Variants in PCDHGA3 observed in about 807,000 individuals in gnomAD.
The protein encoded by PCDHGA3 is protocadherin gamma subfamily A, 3, also known as protocadherin gamma-A3.
A neutral mutation model predicts 58.5 loss-of-function variants in PCDHGA3; 40 were observed. The observed-to-expected ratio is 0.68, with a 90% CI of 0.53 to 0.89. The LOEUF is 0.89. Among genes scored for constraint, PCDHGA3 ranks in the 40% least tolerant of loss-of-function variants. The probability of loss-of-function intolerance (pLI) is 0.00; values close to 1 mark genes in which losing one functional copy is unlikely to be tolerated. For synonymous variants in PCDHGA3, 530 were observed against 525.7 expected (o/e 1.01, Z -0.11); for missense variants, 1,223 against 1,195.9 (o/e 1.02, Z -0.33).
At chr5:141,366,039 A>G (rs781015607) in intron 1 of PCDHGA3, 15 of 1,614,136 alleles carry the variant, frequency 9.3e-6, no homozygotes, top group Non-Finnish European at 1.2e-5. Context: ...CTCCCCACAG[A>G]CGGTTCCACG....
At chr5:141,371,238 A>G in intron 1 of PCDHGA3, 1 of 1,614,058 alleles carries the variant, frequency 6.2e-7, no homozygotes, top group Non-Finnish European at 8.5e-7. Flanking sequence ...CTATGCCTTC[A>G]TCAATATTGG....
In PCDHGA3 at chr5:141,361,275, A is replaced by G. The variant is rs1366836369; in HGVS notation, c.2424+14818A>G. ...GAGACAGAGACTCTGGAGAAAATGGAGAAGTTTACTGCCAAGTGTTGGGAA... is the reference window on the plus strand; with the variant it reads ...GAGACAGAGACTCTGGAGAAAATGGGGAAGTTTACTGCCAAGTGTTGGGAA... On this transcript the variant is annotated intron_variant, in intron 1 of 3. Coordinates refer to ENST00000253812, the MANE Select transcript of PCDHGA3 (RefSeq NM_018916.4). 3 of 1,613,976 alleles carry G rather than the reference A, an allele frequency of 1.9e-6. No individual in the cohort carries two copies. In the East Asian group the frequency reaches 6.7e-5, roughly 36 times the overall value.
intron 1 of PCDHGA3, among the ~76,000 whole-genome samples, chr5:141,460,256 C>T (rs1315761341): frequency 6.6e-6 from 1 of 151,704 alleles, no homozygotes; most frequent in Admixed American, 6.6e-5. Context: ...TTGATAAAGC[C>T]CAATTTATTT....
At position 141,491,692 on chromosome 5, in the gene PCDHGA3, C is replaced by T. The variant is rs749349869; in HGVS notation, c.2425-3115C>T. On this transcript the variant is annotated intron_variant, in intron 1 of 3. Coordinates refer to ENST00000253812, the MANE Select transcript of PCDHGA3 (RefSeq NM_018916.4). This position sits in a 1 kb window ranked among gnomAD's most constrained non-coding sequence, Gnocchi z 6.9. ...GTCCCGCTCTAATACGCTGCGGGAG[C>T]GGAGCCAGGTGAGGGGCTCGGCGCC... is the stretch of plus-strand genomic sequence containing the variant. 1 of 1,612,594 alleles carries T rather than the reference C, an allele frequency of 6.2e-7. No homozygotes were observed. The highest frequency in any genetic ancestry group is 8.5e-7 in the Non-Finnish European group (1 of 1,179,340).
chr5:141,371,136 A>C (rs775992488), intron 1 of PCDHGA3: 1 of 1,614,042 alleles, frequency 6.2e-7, no homozygotes, highest in Non-Finnish European at 8.5e-7. Context: ...GGACATGTAC[A>C]GGGTCAATGT....
intron 1 of PCDHGA3, among the ~76,000 whole-genome samples, chr5:141,406,069 C>G (rs72790037): frequency 0.11 from 16,670 of 145,514 alleles, 1,088 homozygotes; most frequent in African/African-American, 0.2. Flanking sequence ...AAAATTCTTA[C>G]TCCTTTTTTT....
chr5:141,424,134 A>G (rs1255504512), intron 1 of PCDHGA3: 7 of 444,220 alleles, frequency 1.6e-5, no homozygotes, highest in Non-Finnish European at 2.2e-5. Context: ...TTGATTTAAT[A>G]GCATGCTCCC....
At chr5:141,384,809 C>T (rs1780535972) in intron 1 of PCDHGA3, 1 of 1,613,250 alleles carries the variant, frequency 6.2e-7, no homozygotes, top group African/African-American at 1.3e-5. Context: ...GACAGAGATG[C>T]CCTCAAGCAG....
chr5:141,496,499 G>A (rs1417059875), intron 2 of PCDHGA3, among the ~76,000 whole-genome samples: 1 of 152,102 alleles, frequency 6.6e-6, no homozygotes, highest in Non-Finnish European at 1.5e-5. Context: ...AACCCTTGTT[G>A]CCACAAGGAC....
At chr5:141,365,650 G>T in intron 1 of PCDHGA3, 1 of 1,613,414 alleles carries the variant, frequency 6.2e-7, no homozygotes, top group South Asian at 1.1e-5. Context: ...ACATCCCCTT[G>T]AAAGTAGCAG....
chr5:141,394,322 G>T (rs1438978424), intron 1 of PCDHGA3: 3 of 1,613,960 alleles, frequency 1.9e-6, no homozygotes, highest in Non-Finnish European at 1.7e-6. Context: ...CCCTGTCCTC[G>T]TATATCTCCA....
In PCDHGA3 at chr5:141,344,166, G is replaced by C. The variant is rs1364890100; in HGVS notation, c.133G>C (p.Val45Leu). 6.2e-7 allele frequency: 1 copy of C among 1,613,904 alleles called. No homozygotes were observed. The highest frequency in any genetic ancestry group is 1.7e-5 in the Admixed American group (1 of 60,014). The change falls in exon 1 of 4, where the codon GTG becomes CTG. Residue 45 changes from valine to leucine, a missense_variant. Around this residue, in one of 3 missense-constraint regions of PCDHGA3, gnomAD observed 791 missense variants for 708.5 expected, o/e 1.12. Transcript: ENST00000253812. ...VSEELDKGSF[V>L]GNIANDLGLE... Reference sequence around the variant, plus strand: ...TGAGGAGCTAGATAAAGGTTCCTTCGTGGGCAACATCGCTAACGACCTGGG... The same window carrying C: ...TGAGGAGCTAGATAAAGGTTCCTTCCTGGGCAACATCGCTAACGACCTGGG...
At chr5:141,412,922 A>G in intron 1 of PCDHGA3, 1 of 420,478 alleles carries the variant, frequency 2.4e-6, no homozygotes, top group Non-Finnish European at 4.2e-6. Flanking sequence ...ACTTGGGTGC[A>G]GTAACTTCTT....
chr5:141,428,199 C>T (rs760718878), intron 1 of PCDHGA3: 28 of 1,364,510 alleles, frequency 2.1e-5, no homozygotes, highest in Non-Finnish European at 2.9e-5. Flanking sequence ...CTCTCTGCGC[C>T]GCTACGCTTC....
intron 1 of PCDHGA3, chr5:141,400,296 C>T (rs2093998279): frequency 6.2e-7 from 1 of 1,614,076 alleles, no homozygotes. Context: ...GGAGCTGCTT[C>T]CAACCTGGTC....
chr5:141,463,135 C>G (rs1352400365), intron 1 of PCDHGA3, among the ~76,000 whole-genome samples: 1 of 152,128 alleles, frequency 6.6e-6, no homozygotes, highest in African/African-American at 2.4e-5. Flanking sequence ...GGCAGTTCTT[C>G]GCCCAGCTGC....
chr5:141,463,965 C>T (rs1207852177), intron 1 of PCDHGA3, among the ~76,000 whole-genome samples: 1 of 151,648 alleles, frequency 6.6e-6, no homozygotes, highest in African/African-American at 2.4e-5. Context: ...AAAATAGCTT[C>T]ATAAAACTCC....
At chr5:141,356,116 G>A in intron 1 of PCDHGA3, 1 of 1,613,804 alleles carries the variant, frequency 6.2e-7, no homozygotes, top group South Asian at 1.1e-5. Context: ...AATATTGGGG[G>A]GTCTAGATTA....
At chr5:141,414,409 A>AG in intron 1 of PCDHGA3, 1 of 1,613,870 alleles carries the variant, frequency 6.2e-7, no homozygotes. Flanking sequence ...GGTGATACAC[A>AG]GAGCCCTTGA....
Sources: gnomAD v4.1 joint callset for allele counts (sites outside exome capture counted in the v4.1 genomes callset) on GRCh38, gnomAD v4.1.1 for gene constraint, gnomAD v4.1.1 regional missense constraint, Gnocchi (gnomAD v3.1) non-coding constraint, MANE v1.5 for transcripts, NCBI Gene and HGNC (gene_info 2026-07-23, HGNC 2026-07-21) for gene names.